The following ENTPD7 variants were observed in gnomAD, a reference collection of about 807,000 sequenced individuals.
ENTPD7 encodes NTPDase 7.
In ENTPD7, 53 loss-of-function variants were observed where a neutral mutation model predicts 77.9. The observed-to-expected ratio is 0.68, with a 90% CI of 0.55 to 0.85. The LOEUF is 0.85. Ranked by LOEUF, ENTPD7 falls within the 40% of genes least tolerant of loss-of-function variation. The probability of loss-of-function intolerance (pLI) is 0.00; values close to 1 mark genes in which losing one functional copy is unlikely to be tolerated. For synonymous variants in ENTPD7, 248 were observed against 274.9 expected (o/e 0.90, Z 0.97); for missense variants, 636 against 743.7 (o/e 0.86, Z 1.68).
intron 3 of ENTPD7, among the ~76,000 whole-genome samples, chr10:99,669,907 G>A (rs531654246): frequency 5.9e-5 from 9 of 151,782 alleles, no homozygotes; most frequent in Non-Finnish European, 7.4e-5. Flanking sequence ...CCGCCACCAG[G>A]CCCAGCTAAT....
chr10:99,701,136 G>A (rs752551613), intron 11 of ENTPD7, 78 bp downstream of exon 11: 28 of 1,237,692 alleles, frequency 2.3e-5, no homozygotes, highest in Admixed American at 5.2e-5. Flanking sequence ...GAGCAATAAT[G>A]CAGATTAGAT....
At position 99,698,535 on chromosome 10, in the gene ENTPD7, T is replaced by G; in HGVS notation, c.1012T>G (p.Leu338Val). 1 of 1,612,200 alleles carries G rather than the reference T, an allele frequency of 6.2e-7. No homozygotes were observed. Among genetic ancestry groups the G allele is most frequent in the South Asian group, 1.1e-5 (1 of 90,978 alleles). The part of the protein sequence containing the change: ...VLNETLNKNR[L>V]LGQKTGLSPD... ...TGTTTGTTTTTGTCATTGTGGCAGATTGCTTGGTCAGAAGACAGGTCTGAG... is the reference window on the plus strand; with the variant it reads ...TGTTTGTTTTTGTCATTGTGGCAGAGTGCTTGGTCAGAAGACAGGTCTGAG... Residue 338 changes from leucine to valine, a missense_variant and splice_region_variant, in exon 10 of 13, where the codon TTG becomes GTG. Leu to Val is a conservative substitution (Grantham distance 32). Coordinates refer to ENST00000370489, the MANE Select transcript of ENTPD7 (RefSeq NM_020354.5).
In ENTPD7 at chr10:99,674,093, T is replaced by C. The variant is rs11190238; in HGVS notation, c.192-5168T>C. Among the ~76,000 whole-genome samples the C allele has an allele frequency of 3.3e-3, 495 of 152,222 alleles. 3 individuals carry two copies. Among genetic ancestry groups the C allele is most frequent in the African/African-American group, 0.011 (473 of 41,546 alleles). On this transcript the variant is annotated intron_variant, in intron 3 of 12. Coordinates refer to ENST00000370489, the MANE Select transcript of ENTPD7 (RefSeq NM_020354.5). ...TCTGGGTACTACCAGTCAGCATTGT[T>C]GGGTAGAGGCTTTTTAAGAACTGAG...
At chr10:99,688,394 C>G (rs1420977635) in intron 6 of ENTPD7, among the ~76,000 whole-genome samples, 1 of 152,152 alleles carries the variant, frequency 6.6e-6, no homozygotes, top group Non-Finnish European at 1.5e-5. Context: ...AACTAGAACT[C>G]CAAAATTTAC....
rs546306453 is a variant in ENTPD7, at chr10:99,668,206, A to G, written c.191+6578A>G. On this transcript the variant is annotated intron_variant, in intron 3 of 12. Coordinates refer to ENST00000370489, the MANE Select transcript of ENTPD7 (RefSeq NM_020354.5). ...CACCTCAGCCTCTCAAAGTGCTGGG[A>G]TTACAGGCGTGAGCCACCATGCCTG... is the stretch of plus-strand genomic sequence containing the variant. Among the ~76,000 whole-genome samples the G allele has an allele frequency of 2.4e-4, 37 of 152,230 alleles. No homozygotes were observed. In the South Asian group the frequency reaches 7.5e-3, roughly 31 times the overall value.
chr10:99,691,120 G>A (rs983882011), intron 7 of ENTPD7, among the ~76,000 whole-genome samples: 4 of 151,992 alleles, frequency 2.6e-5, no homozygotes, highest in East Asian at 3.9e-4. Context: ...CTGAGTAGCT[G>A]GGACTACAGG....
chr10:99,700,812 G>C (rs1218602666), intron 10 of ENTPD7, 161 bp from the exon 11 acceptor site: 4 of 684,844 alleles, frequency 5.8e-6, no homozygotes, highest in Non-Finnish European at 1.1e-5. Flanking sequence ...GAATAAACAG[G>C]GGTATGACGC....
In ENTPD7 at chr10:99,696,022, G is replaced by A. The variant is rs987855333; in HGVS notation, c.910G>A (p.Val304Met). 5.0e-6 allele frequency: 8 copies of A among 1,614,180 alleles called. No homozygotes were observed. Among genetic ancestry groups the A allele is most frequent in the South Asian group, 2.2e-5 (2 of 91,078 alleles). Reference sequence around the variant, plus strand: ...CTGTGATGTGCAACACACTGAACACGTGTACAGGGTTTATGTCACAACTTT... The same window carrying A: ...CTGTGATGTGCAACACACTGAACACATGTACAGGGTTTATGTCACAACTTT... ...LGCDVQHTEH[V>M]YRVYVTTFLG... Residue 304 changes from valine (V) to methionine (M), a missense_variant, in exon 9 of 13, where the codon GTG (valine) becomes ATG (methionine). Transcript: ENST00000370489.
At chr10:99,679,647 A>G (rs1461936976) in intron 4 of ENTPD7, 78 bp from the exon 5 acceptor site, 2 of 1,519,614 alleles carry the variant, frequency 1.3e-6, no homozygotes, top group Admixed American at 2.1e-5. Flanking sequence ...GGAGAACTTT[A>G]TAGGGTATCA....
At chr10:99,699,879 C>T (rs1162198998) in intron 10 of ENTPD7, among the ~76,000 whole-genome samples, 1 of 145,574 alleles carries the variant, frequency 6.9e-6, no homozygotes, top group Non-Finnish European at 1.5e-5. Context: ...CCTCATATTT[C>T]CCTCCCTCCC....
At chr10:99,703,896 A>G (rs751378620) in intron 12 of ENTPD7, among the ~76,000 whole-genome samples, 3 of 151,354 alleles carry the variant, frequency 2.0e-5, no homozygotes, top group Non-Finnish European at 4.4e-5. Flanking sequence ...TAATTTTTTG[A>G]TTTTTCTTTT....
chr10:99,690,969 A>G (rs1481312730), intron 7 of ENTPD7, among the ~76,000 whole-genome samples: 1 of 152,102 alleles, frequency 6.6e-6, no homozygotes, highest in Non-Finnish European at 1.5e-5. Context: ...TATATAGTTG[A>G]TTCAGTTAGT....
At chr10:99,702,754 T>A in intron 12 of ENTPD7, 81 bp downstream of exon 12, 2 of 1,372,586 alleles carry the variant, frequency 1.5e-6, no homozygotes, top group Non-Finnish European at 1.9e-6. Context: ...TTTCTTTTTT[T>A]TTTTAACCAG....
Position 99,696,490 on chromosome 10 carries a change from T to C in ENTPD7, c.1010+368T>C, listed in dbSNP as rs991312700. ...CATGGAAGTGTTCAAGACATGTTTGTTGAATTACAGTGCAGTTGCATCTTT... is the reference window on the plus strand; with the variant it reads ...CATGGAAGTGTTCAAGACATGTTTGCTGAATTACAGTGCAGTTGCATCTTT... On this transcript the variant is annotated intron_variant, in intron 9 of 12. Transcript: ENST00000370489. 7.9e-5 allele frequency among the ~76,000 whole-genome samples: 12 copies of C among 152,386 alleles called. No individual in the cohort carries two copies. The South Asian group carries it at 1.0e-3, about 13-fold the overall frequency.
At position 99,685,829 on chromosome 10, in the gene ENTPD7, T is replaced by C. The variant is rs1164546473; in HGVS notation, c.586T>C (p.Leu196=). ...LAILADLVKD[L]PLEFDFLFSQ... ...TATCTTGGCTGACCTAGTGAAAGATTTACCACTGGAGTTTGACTTCCTCTT... is the reference window on the plus strand; with the variant it reads ...TATCTTGGCTGACCTAGTGAAAGATCTACCACTGGAGTTTGACTTCCTCTT... The change falls in exon 6 of 13, where the codon TTA becomes CTA. Residue 196 remains leucine, a synonymous_variant. Coordinates refer to ENST00000370489, the MANE Select transcript of ENTPD7 (RefSeq NM_020354.5). 6.2e-7 allele frequency: 1 copy of C among 1,613,770 alleles called. No homozygotes were observed. Among genetic ancestry groups the C allele is most frequent in the East Asian group, 2.2e-5 (1 of 44,858 alleles).
At chr10:99,682,333 T>C (rs973427359) in intron 5 of ENTPD7, among the ~76,000 whole-genome samples, 1 of 152,156 alleles carries the variant, frequency 6.6e-6, no homozygotes, top group African/African-American at 2.4e-5. Context: ...ACATAACATA[T>C]AGCAGCAATG....
intron 11 of ENTPD7, 105 bp from the exon 12 acceptor site, chr10:99,702,407 G>A (rs189108493): frequency 1.7e-5 from 16 of 951,450 alleles, no homozygotes; most frequent in Middle Eastern, 3.4e-4. Flanking sequence ...AGCGGGAGGA[G>A]GTAGGTCTTT....
At chr10:99,692,472 G>A (rs2035898197) in intron 8 of ENTPD7, among the ~76,000 whole-genome samples, 1 of 151,966 alleles carries the variant, frequency 6.6e-6, no homozygotes, top group Non-Finnish European at 1.5e-5. Context: ...AGTTGAATGG[G>A]AGCCATTCTT....
Position 99,709,624 on chromosome 10 carries a change from C to T in ENTPD7, c.*4941C>T, listed in dbSNP as rs2036322512. 4 of 985,406 alleles carry T rather than the reference C, an allele frequency of 4.1e-6. No individual in the cohort carries two copies. The highest frequency in any genetic ancestry group is 4.7e-5 in the South Asian group (1 of 21,276). The allele number at this position is 985,406 out of a possible 1,614,324, so 61.0% of individuals were successfully genotyped here. A position where few individuals can be genotyped will look rare whatever the true frequency, so the allele number is the denominator to read the frequency against. ...TTAGGTTGTGTTCTTGGCTCATTCT[C>T]TCATAACCTGGATCTAAGTTGGAAA... is the stretch of plus-strand genomic sequence containing the variant. On this transcript the variant is annotated 3_prime_UTR_variant, in exon 13 of 13. Transcript: ENST00000370489.
Sources: gnomAD v4.1 joint callset for allele counts (sites outside exome capture counted in the v4.1 genomes callset) on GRCh38, gnomAD v4.1.1 for gene constraint, MANE v1.5 for transcripts, NCBI Gene and HGNC (gene_info 2026-07-23, HGNC 2026-07-21) for gene names.